The following TNFRSF10B variants were observed in gnomAD, a reference collection of about 807,000 sequenced individuals.
The protein encoded by TNFRSF10B is tumor necrosis factor receptor superfamily member 10B.
A neutral mutation model predicts 41.4 loss-of-function variants in TNFRSF10B; 35 were observed. That is an observed-to-expected ratio of 0.85 (90% confidence interval 0.65 to 1.12). The LOEUF (loss-of-function observed/expected upper bound fraction) is 1.12. TNFRSF10B is among the 50% of genes most tolerant of loss of function. TNFRSF10B has a pLI of 0.00. For missense variants in TNFRSF10B, 584 were observed against 552.7 expected, an observed-to-expected ratio of 1.06 and a Z score of -0.57; for synonymous variants, 230 against 215.5, an observed-to-expected ratio of 1.07 and a Z score of -0.59.
intron 2 of TNFRSF10B, among the ~76,000 whole-genome samples, chr8:23,033,635 G>T (rs1473590065): frequency 7.5e-6 from 1 of 133,362 alleles, no homozygotes; most frequent in Non-Finnish European, 1.6e-5. Context: ...CCCTGGAAAA[G>T]GTAACTATTT....
In TNFRSF10B at chr8:23,021,338, C is replaced by G; in HGVS notation, c.*1333G>C. On this transcript the variant is annotated 3_prime_UTR_variant, in exon 9 of 9. Transcript: ENST00000276431. ...GGTCCTCAAGTAGGCAATCTGTACC[C>G]TAAAAGGCAGCTCATGGGCTCAGGG... 1 of 454,108 alleles carries G rather than the reference C, an allele frequency of 2.2e-6. No individual in the cohort carries two copies. Among genetic ancestry groups the G allele is most frequent in the Non-Finnish European group, 4.4e-6 (1 of 226,794 alleles). 28.1% of individuals were successfully genotyped at this position (454,108 alleles called of 1,614,324 possible).
intron 2 of TNFRSF10B, among the ~76,000 whole-genome samples, chr8:23,033,104 G>A (rs1425024018): frequency 6.6e-6 from 1 of 152,160 alleles, no homozygotes; most frequent in Non-Finnish European, 1.5e-5. Context: ...ACAAAATCCT[G>A]CAACCAAGAA....
In TNFRSF10B at chr8:23,027,078, C is replaced by T. The variant is rs189186303; in HGVS notation, c.936+55G>A. 133 of 1,612,198 alleles carry T rather than the reference C, an allele frequency of 8.2e-5. 1 individual carries two copies. Among genetic ancestry groups the T allele is most frequent in the East Asian group, 1.6e-4 (7 of 44,872 alleles). ...AGGCACTGCCCTCTCCCACTGTCTACGAAATCCCAGGTGAGCAGCATGCCA... is the reference window on the plus strand; with the variant it reads ...AGGCACTGCCCTCTCCCACTGTCTATGAAATCCCAGGTGAGCAGCATGCCA... On this transcript the variant is annotated intron_variant, in intron 7 of 8. Coordinates refer to ENST00000276431, the MANE Select transcript of TNFRSF10B (RefSeq NM_003842.5).
chr8:23,021,132 C>A lies in TNFRSF10B; in HGVS notation c.*1539G>T. 2.2e-6 allele frequency: 1 copy of A among 454,096 alleles called. No homozygotes were observed. Among genetic ancestry groups the A allele is most frequent in the South Asian group, 1.6e-5 (1 of 64,478 alleles). The allele number at this position is 454,096 out of a possible 1,614,324, so 28.1% of individuals were successfully genotyped here. A position where few individuals can be genotyped will look rare whatever the true frequency, so the allele number is the denominator to read the frequency against. On this transcript the variant is annotated 3_prime_UTR_variant, in exon 9 of 9. Coordinates refer to ENST00000276431, the MANE Select transcript of TNFRSF10B (RefSeq NM_003842.5). ...ACCTGCATAAATGATCCTTCCATGA[C>A]TGAAATACTATGGAGAAGGGTTTGC...
chr8:23,062,452 A>T (rs889750816), intron 1 of TNFRSF10B, among the ~76,000 whole-genome samples: 1 of 152,158 alleles, frequency 6.6e-6, no homozygotes, highest in Non-Finnish European at 1.5e-5. Context: ...TCCTGGCTTC[A>T]AGCAATCCTC....
intron 8 of TNFRSF10B, among the ~76,000 whole-genome samples, chr8:23,023,291 G>C (rs1585204347): frequency 6.6e-6 from 1 of 152,340 alleles, no homozygotes; most frequent in East Asian, 1.9e-4. Flanking sequence ...GTGAGAGTCC[G>C]AGGGAGGGAG....
Position 23,068,813 on chromosome 8 carries a change from C to T in TNFRSF10B, c.82G>A (p.Ala28Thr), listed in dbSNP as rs757087287. The change falls in exon 1 of 9, where the codon GCC becomes ACC. Residue 28 changes from alanine (A) to threonine (T), a missense_variant. By Grantham distance (58) the Ala-to-Thr change is moderately conservative. Coordinates refer to ENST00000276431, the MANE Select transcript of TNFRSF10B (RefSeq NM_003842.5). ...TTGGGGACCCGGGGCCCAGGCCTGG[C>T]TCCCCGCGCCTCCCTGGGTCCTGGG... The part of the protein sequence containing the change: ...HGPGPREARG[A>T]RPGPRVPKTL... The T allele has an allele frequency of 6.2e-7, 1 of 1,611,752 alleles. No individual in the cohort carries two copies. The highest frequency in any genetic ancestry group is 8.5e-7 in the Non-Finnish European group (1 of 1,179,396).
At chr8:23,027,793 C>T (rs1442304454) in intron 5 of TNFRSF10B, 40 bp from the exon 6 acceptor site, 2 of 1,613,150 alleles carry the variant, frequency 1.2e-6, no homozygotes, top group African/African-American at 2.7e-5. Context: ...AGGGAGGGGC[C>T]CATGAAGCAC....
intron 1 of TNFRSF10B, among the ~76,000 whole-genome samples, chr8:23,045,454 T>C (rs1812331791): frequency 1.3e-5 from 2 of 152,140 alleles, no homozygotes; most frequent in African/African-American, 4.8e-5. Context: ...AAGTCTCCTA[T>C]CAAAGAAACA....
intron 2 of TNFRSF10B, among the ~76,000 whole-genome samples, chr8:23,036,197 C>G (rs1050527239): frequency 6.6e-6 from 1 of 152,162 alleles, no homozygotes; most frequent in Non-Finnish European, 1.5e-5. Context: ...GACTGCTCAT[C>G]GTGAACTGAG....
intron 1 of TNFRSF10B, among the ~76,000 whole-genome samples, chr8:23,052,462 C>T (rs1812551270): frequency 6.6e-6 from 1 of 151,496 alleles, no homozygotes; most frequent in South Asian, 2.1e-4. Flanking sequence ...ATTTTTTGTA[C>T]TTTTTAGTAG....
chr8:23,066,004 T>G (rs1812969325), intron 1 of TNFRSF10B, among the ~76,000 whole-genome samples: 1 of 152,162 alleles, frequency 6.6e-6, no homozygotes, highest in African/African-American at 2.4e-5. Context: ...AATCATAGGT[T>G]GCGCACGGTG....
intron 2 of TNFRSF10B, among the ~76,000 whole-genome samples, chr8:23,039,949 T>C (rs185598311): frequency 6.6e-6 from 1 of 152,084 alleles, no homozygotes; most frequent in African/African-American, 2.4e-5. Flanking sequence ...TCCCAACACT[T>C]TGGGAGGCCG....
At chr8:23,043,703 C>T (rs1181088219) in intron 1 of TNFRSF10B, among the ~76,000 whole-genome samples, 1 of 152,152 alleles carries the variant, frequency 6.6e-6, no homozygotes, top group Non-Finnish European at 1.5e-5. Flanking sequence ...GATACAGGAT[C>T]AAACATTAAA....
chr8:23,033,566 C>T (rs1342423831), intron 2 of TNFRSF10B, among the ~76,000 whole-genome samples: 15 of 127,128 alleles, frequency 1.2e-4, no homozygotes, highest in African/African-American at 3.8e-4. Flanking sequence ...CCAGCCTGGG[C>T]GACAGCGAGA....
intron 2 of TNFRSF10B, among the ~76,000 whole-genome samples, chr8:23,033,601 A>G (rs1811945772): frequency 1.7e-5 from 2 of 116,518 alleles, no homozygotes; most frequent in Admixed American, 9.8e-5. Context: ...AAAAAAAAAA[A>G]AAAAAAAAAA....
chr8:23,021,833 ACTT>A lies in TNFRSF10B; in HGVS notation c.*835_*837del, dbSNP rs1460632720. ...CCCAGACAGTGACATCTTACAGGGGACTTCTTCTTCTTCCCCCATTGTATGTCT... is the reference window on the plus strand; with the variant it reads ...CCCAGACAGTGACATCTTACAGGGGACTTCTTCTTCCCCCATTGTATGTCT... On this transcript the variant is annotated 3_prime_UTR_variant, in exon 9 of 9. Coordinates refer to ENST00000276431, the MANE Select transcript of TNFRSF10B (RefSeq NM_003842.5). 12 of 453,994 alleles carry A rather than the reference ACTT, an allele frequency of 2.6e-5. No individual in the cohort carries two copies. Among genetic ancestry groups the A allele is most frequent in the African/African-American group, 8.0e-5 (4 of 49,996 alleles). The allele number at this position is 453,994 out of a possible 1,614,324, so 28.1% of individuals were successfully genotyped here. A position where few individuals can be genotyped will look rare whatever the true frequency, so the allele number is the denominator to read the frequency against.
At position 23,043,200 on chromosome 8, in the gene TNFRSF10B, G is replaced by C. The variant is rs141261834; in HGVS notation, c.188C>G (p.Pro63Arg). The C allele has an allele frequency of 3.0e-5, 48 of 1,614,120 alleles. No homozygotes were observed. In the African/African-American group the frequency reaches 5.9e-4, roughly 20 times the overall value. The change falls in exon 2 of 9, where the codon CCC becomes CGC. Residue 63 changes from proline to arginine, a missense_variant. Physicochemically the swap from Pro to Arg is moderately radical, Grantham distance 103. Transcript: ENST00000276431. Reference protein sequence around the residue: ...SALITQQDLAPQQRAAPQQKR... With the variant: ...SALITQQDLARQQRAAPQQKR... ...TTGTTGTGGGGCCGCTCTCTGCTGGGGAGCTAGGTCTTGTTGGGTGATCAG... is the reference window on the plus strand; with the variant it reads ...TTGTTGTGGGGCCGCTCTCTGCTGGCGAGCTAGGTCTTGTTGGGTGATCAG...
At chr8:23,056,900 CT>C (rs1812685536) in intron 1 of TNFRSF10B, among the ~76,000 whole-genome samples, 1 of 152,022 alleles carries the variant, frequency 6.6e-6, no homozygotes, top group Non-Finnish European at 1.5e-5. Context: ...TTTACTTAGA[CT>C]TATTTTATAG....
Sources: gnomAD v4.1 joint callset for allele counts (sites outside exome capture counted in the v4.1 genomes callset) on GRCh38, gnomAD v4.1.1 for gene constraint, MANE v1.5 for transcripts, NCBI Gene and HGNC (gene_info 2026-07-23, HGNC 2026-07-21) for gene names.